Variants in KCNK10 observed in about 807,000 individuals in gnomAD.
The protein encoded by KCNK10 is potassium channel subfamily K member 10.
A neutral mutation model predicts 47.7 loss-of-function variants in KCNK10; 25 were observed. The ratio of observed to expected loss-of-function variants is 0.52; its 90% confidence interval spans 0.38 to 0.73. The LOEUF (loss-of-function observed/expected upper bound fraction) is 0.73. KCNK10 is among the 30% of genes least tolerant of loss of function. The probability of loss-of-function intolerance (pLI) is 0.00; values close to 1 mark genes in which losing one functional copy is unlikely to be tolerated. For missense variants in KCNK10, 563 were observed against 714.5 expected (o/e 0.79, Z 2.42); for synonymous variants, 303 against 285.6 (o/e 1.06, Z -0.61).
At chr14:88,270,192 T>A (rs1887368642) in intron 1 of KCNK10, among the ~76,000 whole-genome samples, 1 of 152,134 alleles carries the variant, frequency 6.6e-6, no homozygotes, top group African/African-American at 2.4e-5. Flanking sequence ...AGTCCCAGGT[T>A]ACAGCTCAGC....
chr14:88,294,890 A>C (rs1290102438), intron 1 of KCNK10, among the ~76,000 whole-genome samples: 3 of 152,314 alleles, frequency 2.0e-5, no homozygotes, highest in South Asian at 4.1e-4. Flanking sequence ...GAAGTCAACT[A>C]TGACCCTGTA....
At chr14:88,190,050 G>C (rs1884696881) in intron 5 of KCNK10, among the ~76,000 whole-genome samples, 1 of 152,202 alleles carries the variant, frequency 6.6e-6, no homozygotes, top group Non-Finnish European at 1.5e-5. Context: ...GGACTGTGTA[G>C]GTTGTGCCCT....
intron 1 of KCNK10, among the ~76,000 whole-genome samples, chr14:88,277,860 CT>C (rs752298174): frequency 3.7e-4 from 57 of 152,262 alleles, no homozygotes; most frequent in Non-Finnish European, 6.8e-4. Context: ...CCCAAAATAC[CT>C]TTTCTCATTA....
upstream of KCNK10, chr14:88,326,424 G>A (rs960778505): frequency 1.2e-6 from 2 of 1,613,462 alleles, no homozygotes; most frequent in Non-Finnish European, 1.7e-6. Context: ...CTTACCCAAG[G>A]AAAGAAAGAA....
chr14:88,316,323 A>G (rs1256768123), intron 1 of KCNK10, among the ~76,000 whole-genome samples: 1 of 151,742 alleles, frequency 6.6e-6, no homozygotes, highest in Non-Finnish European at 1.5e-5. Flanking sequence ...CACAGGGAGA[A>G]AAAAAAAACT....
intron 3 of KCNK10, chr14:88,235,236 A>G (rs950262036): frequency 2.2e-6 from 1 of 456,672 alleles, no homozygotes; most frequent in Non-Finnish European, 4.4e-6. Flanking sequence ...CAACTCCATG[A>G]AATCATTTGG....
At chr14:88,240,665 A>G in intron 3 of KCNK10, 38 bp downstream of exon 3, 1 of 1,316,998 alleles carries the variant, frequency 7.6e-7, no homozygotes, top group Non-Finnish European at 1.1e-6. Context: ...ACTCAAGATG[A>G]CCTGCAGAGG....
intron 3 of KCNK10, among the ~76,000 whole-genome samples, chr14:88,228,528 G>T (rs747455098): frequency 2.0e-5 from 3 of 152,114 alleles, no homozygotes; most frequent in African/African-American, 7.2e-5. Context: ...AAAGTATCTA[G>T]ACAGTAATCT....
intron 1 of KCNK10, among the ~76,000 whole-genome samples, chr14:88,304,301 C>A (rs1227386027): frequency 3.3e-5 from 5 of 151,984 alleles, no homozygotes; most frequent in Admixed American, 1.3e-4. Context: ...GGTGACAGAG[C>A]AAGACCCTAT....
chr14:88,280,691 T>C (rs1375625837), intron 1 of KCNK10, among the ~76,000 whole-genome samples: 3 of 152,184 alleles, frequency 2.0e-5, no homozygotes, highest in Admixed American at 2.0e-4. Context: ...AGCCTTACTT[T>C]CTGTTCTCTT....
chr14:88,263,692 G>C, intron 1 of KCNK10, 141 bp from the exon 2 acceptor site: 1 of 756,250 alleles, frequency 1.3e-6, no homozygotes. Context: ...CAAGCCTGCA[G>C]TTAGGGAATT....
intron 2 of KCNK10, 32 bp downstream of exon 2, chr14:88,263,170 G>A: frequency 6.4e-7 from 1 of 1,558,704 alleles, no homozygotes; most frequent in Admixed American, 1.7e-5. Flanking sequence ...CACCCCACCA[G>A]CTGGCCTAAG....
At chr14:88,264,030 A>G (rs1323673063) in intron 1 of KCNK10, among the ~76,000 whole-genome samples, 1 of 152,232 alleles carries the variant, frequency 6.6e-6, no homozygotes, top group Admixed American at 6.5e-5. Flanking sequence ...ATGAATGTCT[A>G]GAGACTTAAA....
chr14:88,295,123 C>T (rs552384614), intron 1 of KCNK10, among the ~76,000 whole-genome samples: 1 of 152,258 alleles, frequency 6.6e-6, no homozygotes, highest in Admixed American at 6.5e-5. Context: ...GTGACAGTAG[C>T]GTTGTTCTGT....
chr14:88,253,760 G>A (rs1017091649), intron 2 of KCNK10, among the ~76,000 whole-genome samples: 1 of 152,034 alleles, frequency 6.6e-6, no homozygotes, highest in South Asian at 2.1e-4. Flanking sequence ...ATTAGCTGGG[G>A]TGGTGAAGTA....
At chr14:88,268,765 G>C (rs1332825634) in intron 1 of KCNK10, among the ~76,000 whole-genome samples, 2 of 152,226 alleles carry the variant, frequency 1.3e-5, no homozygotes. Context: ...AGCTCCAACA[G>C]AAGAGTACTG....
At chr14:88,274,117 T>G (rs1887473018) in intron 1 of KCNK10, among the ~76,000 whole-genome samples, 1 of 140,414 alleles carries the variant, frequency 7.1e-6, no homozygotes, top group African/African-American at 2.7e-5. Flanking sequence ...TTGCACCTAT[T>G]AAAACTCCAC....
At position 88,284,729 on chromosome 14, in the gene KCNK10, G is replaced by C. The variant is rs544103383; in HGVS notation, c.53-21178C>G. Among the ~76,000 whole-genome samples, 6 of 152,188 alleles carry C rather than the reference G, an allele frequency of 3.9e-5. No individual in the cohort carries two copies. In the South Asian group the frequency reaches 1.2e-3, roughly 32 times the overall value. ...GGGATGGTGCCCACCCAGATTAAGG[G>C]TGGGTCTTCCTCTCCAGTCCACTGG... On this transcript the variant is annotated intron_variant, in intron 1 of 6. Transcript: ENST00000319231.
chr14:88,252,514 A>T (rs1289804082), intron 2 of KCNK10, among the ~76,000 whole-genome samples: 1 of 152,192 alleles, frequency 6.6e-6, no homozygotes, highest in Non-Finnish European at 1.5e-5. Context: ...ATTACCAAGG[A>T]GATTACCAAC....
Sources: allele counts gnomAD v4.1 joint callset (sites outside exome capture counted in the v4.1 genomes callset), GRCh38; gene constraint gnomAD v4.1.1; transcripts MANE v1.5; gene names NCBI Gene and HGNC (gene_info 2026-07-23, HGNC 2026-07-21).